The following RTN4 variants were observed in gnomAD, a reference collection of about 807,000 sequenced individuals.
RTN4 encodes the protein reticulon 4, also known as reticulon-4.
RTN4 carries 32 observed loss-of-function variants against 90.4 expected under a neutral mutation model. The ratio of observed to expected loss-of-function variants is 0.35; its 90% confidence interval spans 0.27 to 0.48. The LOEUF is 0.48. RTN4 is among the 20% of genes least tolerant of loss of function. The pLI is 0.99. For missense variants in RTN4, 1,706 were observed against 1,430.2 expected (o/e 1.19, Z -3.11); for synonymous variants, 629 against 552.5 (o/e 1.14, Z -1.94).
At position 55,102,479 on chromosome 2, in the gene RTN4, G is replaced by A. The variant is rs544558670; in HGVS notation, c.-214+10041C>T. ...GTGTTTCAATAAAACTTTATTTGTG[G>A]ACGCTAAAAATTTTAATGTTATATA... On this transcript the variant is annotated intron_variant, in intron 1 of 3. Coordinates refer to the RTN4 transcript ENST00000427710. Among the ~76,000 whole-genome samples the A allele has an allele frequency of 1.1e-4, 17 of 152,166 alleles. 1 individual carries two copies. The highest frequency in any genetic ancestry group is 3.9e-4 in the African/African-American group (16 of 41,480).
At chr2:55,058,684 A>C (rs767150013) in intron 2 of RTN4, among the ~76,000 whole-genome samples, 2 of 152,204 alleles carry the variant, frequency 1.3e-5, no homozygotes, top group African/African-American at 2.4e-5. Flanking sequence ...GGGAAAATAA[A>C]GTGGTGCTTC....
intron 3 of RTN4, among the ~76,000 whole-genome samples, chr2:54,997,981 T>G (rs1679564893): frequency 6.6e-6 from 1 of 152,188 alleles, no homozygotes. Flanking sequence ...CTAGGGGTCT[T>G]AGAGTCTTAC....
At chr2:55,074,517 CAAA>C (rs778275041) in intron 2 of RTN4, among the ~76,000 whole-genome samples, 4 of 59,634 alleles carry the variant, frequency 6.7e-5, no homozygotes, top group Admixed American at 1.9e-4. Context: ...CTGCCCTCAC[CAAA>C]AAAAAAAAAA....
intron 1 of RTN4, among the ~76,000 whole-genome samples, chr2:55,106,413 G>A (rs1667943936): frequency 6.6e-6 from 1 of 151,982 alleles, no homozygotes; most frequent in Non-Finnish European, 1.5e-5. Flanking sequence ...TGTTATCTTT[G>A]TGTCTCCCAA....
chr2:55,085,956 T>G (rs1024039909), intron 1 of RTN4, among the ~76,000 whole-genome samples: 1 of 152,152 alleles, frequency 6.6e-6, no homozygotes, highest in African/African-American at 2.4e-5. Flanking sequence ...TGACCAAAAA[T>G]AAGGCAAGAG....
At chr2:55,053,396 T>C (rs78394174), upstream of RTN4, among the ~76,000 whole-genome samples, 17,563 of 152,146 alleles carry the variant, frequency 0.12, 1,180 homozygotes, top group South Asian at 0.22. Context: ...TATTTGAAAA[T>C]AGCTTATCAG....
chr2:55,078,270 G>C (rs751492634), intron 2 of RTN4, among the ~76,000 whole-genome samples: 1 of 151,832 alleles, frequency 6.6e-6, no homozygotes, highest in Non-Finnish European at 1.5e-5. Context: ...TTTGAGGCTT[G>C]CTCTGCTGCC....
chr2:55,128,307 C>T, the RTN4 span, among the ~76,000 whole-genome samples: 2 of 152,160 alleles, frequency 1.3e-5, no homozygotes, highest in Non-Finnish European at 2.9e-5. Context: ...AGGGTGGCCT[C>T]ACATTTTTTT....
intron 3 of RTN4, among the ~76,000 whole-genome samples, chr2:54,996,755 CTT>C (rs1320503049): frequency 6.6e-6 from 1 of 152,092 alleles, no homozygotes; most frequent in Non-Finnish European, 1.5e-5. Flanking sequence ...TGTTTCTTAT[CTT>C]TTTGTTGTTG....
rs964109554 is a variant in RTN4, at chr2:55,010,995, A to G, written c.3013+14091T>C. On this transcript the variant is annotated intron_variant, in intron 3 of 8. Transcript: ENST00000337526. The stretch of plus-strand genomic sequence containing the variant: ...TCATGGGCTAATGATATAATCTGCC[A>G]TGGGAAAATGACATAAAAGCAAACT... Among the ~76,000 whole-genome samples, 16 of 152,182 alleles carry G rather than the reference A, an allele frequency of 1.1e-4. No individual in the cohort carries two copies. In the East Asian group the frequency reaches 2.9e-3, roughly 27 times the overall value.
chr2:55,104,102 G>C (rs1667900787), intron 1 of RTN4, among the ~76,000 whole-genome samples: 1 of 152,062 alleles, frequency 6.6e-6, no homozygotes, highest in Non-Finnish European at 1.5e-5. Context: ...CCAGTCTGGA[G>C]TGCAGTGGCA....
rs112618154 is a variant in RTN4, at chr2:55,003,982, T to A, written c.3014-16284A>T. Among the ~76,000 whole-genome samples, 1,257 of 152,214 alleles carry A rather than the reference T, an allele frequency of 8.3e-3. 17 individuals carry two copies. Among genetic ancestry groups the A allele is most frequent in the African/African-American group, 0.028 (1,162 of 41,536 alleles). On this transcript the variant is annotated intron_variant, in intron 3 of 8. Transcript: ENST00000337526. Reference sequence around the variant, plus strand: ...GATGGCTGTACATAAAAAGGGAACTTAGGGGACAACCGGAGAACAAATTTA... The same window carrying A: ...GATGGCTGTACATAAAAAGGGAACTAAGGGGACAACCGGAGAACAAATTTA...
chr2:55,102,487 A>C (rs1191704921), intron 1 of RTN4, among the ~76,000 whole-genome samples: 1 of 152,118 alleles, frequency 6.6e-6, no homozygotes, highest in Admixed American at 6.6e-5. Flanking sequence ...TGGACGCTAA[A>C]AATTTTAATG....
intron 3 of RTN4, 137 bp from the exon 4 acceptor site, chr2:54,987,835 C>A: frequency 1.4e-6 from 1 of 694,308 alleles, no homozygotes; most frequent in South Asian, 1.9e-5. Context: ...GTTAAAGAAA[C>A]ACTAACTTTA....
At chr2:55,048,426 T>G (rs1039440418) in intron 1 of RTN4, among the ~76,000 whole-genome samples, 1 of 152,248 alleles carries the variant, frequency 6.6e-6, no homozygotes, top group Non-Finnish European at 1.5e-5. Flanking sequence ...GTAATAACGT[T>G]TAACTTAAAA....
At chr2:55,040,103 T>C (rs1452274735) in intron 1 of RTN4, among the ~76,000 whole-genome samples, 1 of 152,190 alleles carries the variant, frequency 6.6e-6, no homozygotes, top group African/African-American at 2.4e-5. Context: ...GTGCAGTACA[T>C]ATAGCCTATA....
In RTN4 at chr2:55,025,660, G is replaced by A; in HGVS notation, c.2439C>T (p.Thr813=). The part of the protein sequence containing the change: ...FKLSLDNTKD[T]LLPDEVSTLS... ...ATGTTGAAACTTCATCAGGTAACAG[G>A]GTATCTTTTGTGTTATCTAAACTGA... is the stretch of plus-strand genomic sequence containing the variant. Residue 813 remains threonine, a synonymous_variant, in exon 3 of 9, where the codon ACC becomes ACT. Coordinates refer to ENST00000337526, the MANE Select transcript of RTN4 (RefSeq NM_020532.5). 1.9e-6 allele frequency: 3 copies of A among 1,613,644 alleles called. No individual in the cohort carries two copies. Among genetic ancestry groups the A allele is most frequent in the Non-Finnish European group, 2.5e-6 (3 of 1,179,766 alleles).
intron 1 of RTN4, among the ~76,000 whole-genome samples, chr2:55,040,823 C>A (rs1369472283): frequency 2.0e-5 from 3 of 151,036 alleles, no homozygotes; most frequent in African/African-American, 7.3e-5. Flanking sequence ...TAATTTTTTT[C>A]TTAATATTGA....
intron 1 of RTN4, among the ~76,000 whole-genome samples, chr2:55,099,907 T>C (rs1256771399): frequency 6.6e-6 from 1 of 152,144 alleles, no homozygotes; most frequent in African/African-American, 2.4e-5. Context: ...TTCTTATTAC[T>C]AGTCTCTTTC....
Sources: gnomAD v4.1 joint callset for allele counts (sites outside exome capture counted in the v4.1 genomes callset) on GRCh38, gnomAD v4.1.1 for gene constraint, MANE v1.5 for transcripts, NCBI Gene and HGNC (gene_info 2026-07-23, HGNC 2026-07-21) for gene names.